MSRB3: variants seen among roughly 807,000 people sequenced by gnomAD.
MSRB3 encodes methionine sulfoxide reductase B3.
Under a neutral mutation model 21.0 loss-of-function variants are expected in MSRB3, and 13 were observed. The ratio of observed to expected loss-of-function variants is 0.62; its 90% CI spans 0.40 to 0.98. The LOEUF (loss-of-function observed/expected upper bound fraction) is 0.98, where lower values mean the gene tolerates loss of function less well. Among genes scored for constraint, MSRB3 ranks in the 50% least tolerant of loss-of-function variants. The pLI is 0.00. For synonymous variants in MSRB3, 87 were observed against 88.6 expected, an observed-to-expected ratio of 0.98 and a Z score of 0.10; for missense variants, 199 against 230.3, an observed-to-expected ratio of 0.86 and a Z score of 0.88.
chr12:65,309,467 T>C (rs1565825479), intron 2 of MSRB3, among the ~76,000 whole-genome samples: 2 of 152,244 alleles, frequency 1.3e-5, no homozygotes, highest in South Asian at 2.1e-4. Context: ...TGTTAAGCAG[T>C]GAGGATACAG....
intron 4 of MSRB3, among the ~76,000 whole-genome samples, chr12:65,367,951 A>T (rs1265891764): frequency 8.5e-5 from 13 of 152,124 alleles, no homozygotes; most frequent in Admixed American, 8.5e-4. Flanking sequence ...TCATACAATT[A>T]TAAGCATCAG....
chr12:65,351,128 C>A (rs554432186), intron 4 of MSRB3, among the ~76,000 whole-genome samples: 2 of 152,058 alleles, frequency 1.3e-5, no homozygotes, highest in African/African-American at 2.4e-5. Flanking sequence ...GACCACAGTG[C>A]GATCAAACTA....
chr12:65,367,422 T>G (rs1592570003), intron 4 of MSRB3, among the ~76,000 whole-genome samples: 1 of 152,290 alleles, frequency 6.6e-6, no homozygotes, highest in African/African-American at 2.4e-5. Flanking sequence ...GAGGGAAGCT[T>G]AAGCAGAAGG....
intron 5 of MSRB3, among the ~76,000 whole-genome samples, chr12:65,398,641 G>A (rs1038986938): frequency 6.6e-6 from 1 of 152,096 alleles, no homozygotes; most frequent in Non-Finnish European, 1.5e-5. Context: ...TTTGGCTTTT[G>A]TTGCCATTGC....
intron 5 of MSRB3, among the ~76,000 whole-genome samples, chr12:65,436,292 T>C (rs1470809196): frequency 6.6e-6 from 1 of 151,926 alleles, no homozygotes; most frequent in African/African-American, 2.4e-5. Context: ...ATCACAGATA[T>C]CTCAAAATAA....
chr12:65,387,842 T>C, intron 5 of MSRB3, among the ~76,000 whole-genome samples: 1 of 133,252 alleles, frequency 7.5e-6, no homozygotes, highest in South Asian at 2.5e-4. Flanking sequence ...GGTTGCTTGA[T>C]TTTTTTTTCC....
chr12:65,325,655 C>T (rs969893220), intron 2 of MSRB3, among the ~76,000 whole-genome samples: 2 of 152,172 alleles, frequency 1.3e-5, no homozygotes, highest in Non-Finnish European at 2.9e-5. Flanking sequence ...AGCATTTCCA[C>T]TCCTAATCAT....
At chr12:65,449,280 A>AC (rs1034573573) in intron 5 of MSRB3, among the ~76,000 whole-genome samples, 10 of 146,664 alleles carry the variant, frequency 6.8e-5, no homozygotes, top group South Asian at 2.2e-4. Context: ...CTCATGATCC[A>AC]CCCCCCCAGA....
At chr12:65,361,878 A>T (rs1264317795) in intron 4 of MSRB3, among the ~76,000 whole-genome samples, 1 of 152,156 alleles carries the variant, frequency 6.6e-6, no homozygotes, top group African/African-American at 2.4e-5. Context: ...CCTGATTTCT[A>T]AATTTCTGGG....
chr12:65,418,330 G>A (rs946992125), intron 5 of MSRB3, among the ~76,000 whole-genome samples: 2 of 152,042 alleles, frequency 1.3e-5, no homozygotes, highest in Non-Finnish European at 2.9e-5. Context: ...TCCTTTGCCC[G>A]TTTTTAAATT....
chr12:65,349,700 A>T (rs1173982689), intron 4 of MSRB3, among the ~76,000 whole-genome samples: 1 of 149,724 alleles, frequency 6.7e-6, no homozygotes, highest in Non-Finnish European at 1.5e-5. Context: ...GGCTGCATAA[A>T]TGTCTTCTTT....
chr12:65,361,195 T>C (rs560282689), intron 4 of MSRB3, among the ~76,000 whole-genome samples: 1 of 152,222 alleles, frequency 6.6e-6, no homozygotes, highest in East Asian at 1.9e-4. Flanking sequence ...TACCTTTTAC[T>C]CAACTTCTAA....
intron 5 of MSRB3, among the ~76,000 whole-genome samples, chr12:65,393,499 G>T (rs1215532130): frequency 6.6e-6 from 1 of 152,094 alleles, no homozygotes; most frequent in African/African-American, 2.4e-5. Context: ...CAGGCATGGT[G>T]GTGGGCGCCT....
At chr12:65,428,565 A>T (rs930466065) in intron 5 of MSRB3, among the ~76,000 whole-genome samples, 2 of 152,174 alleles carry the variant, frequency 1.3e-5, no homozygotes, top group African/African-American at 4.8e-5. Context: ...GCCCTTCCTT[A>T]ATTAAGTGAG....
chr12:65,422,234 C>A (rs188002692), intron 5 of MSRB3, among the ~76,000 whole-genome samples: 1 of 151,592 alleles, frequency 6.6e-6, no homozygotes, highest in African/African-American at 2.4e-5. Flanking sequence ...AAAGCAAGTC[C>A]TTAGAGACCT....
At chr12:65,302,477 T>G (rs1266622461) in intron 1 of MSRB3, among the ~76,000 whole-genome samples, 1 of 152,196 alleles carries the variant, frequency 6.6e-6, no homozygotes, top group Non-Finnish European at 1.5e-5. Flanking sequence ...CAGCACAGAC[T>G]ATGTCTTACA....
intron 4 of MSRB3, among the ~76,000 whole-genome samples, chr12:65,351,512 A>G (rs1257835449): frequency 1.3e-5 from 2 of 149,710 alleles, no homozygotes; most frequent in Non-Finnish European, 2.9e-5. Context: ...CAAAAAATTA[A>G]TGAATCCAGG....
chr12:65,387,342 C>T (rs904900419), intron 5 of MSRB3, among the ~76,000 whole-genome samples: 2 of 151,984 alleles, frequency 1.3e-5, no homozygotes, highest in Admixed American at 6.6e-5. Context: ...CCCTTGGACA[C>T]ACTGACAGTC....
In MSRB3 at chr12:65,463,470, G is replaced by T; in HGVS notation, c.*148G>T. On this transcript the variant is annotated 3_prime_UTR_variant, in exon 7 of 7. Transcript: ENST00000308259. ...TTTTTCTTCTTTTGCTTAAACAGAA[G>T]CCCTGGCCATCCATGTATTTTGCAA... 1.1e-6 allele frequency: 1 copy of T among 944,730 alleles called. No homozygotes were observed. The highest frequency in any genetic ancestry group is 1.6e-6 in the Non-Finnish European group (1 of 643,214). 58.5% of individuals were successfully genotyped at this position (944,730 alleles called of 1,614,324 possible).
Sources: allele counts gnomAD v4.1 joint callset (sites outside exome capture counted in the v4.1 genomes callset), GRCh38; gene constraint gnomAD v4.1.1; transcripts MANE v1.5; gene names NCBI Gene and HGNC (gene_info 2026-07-23, HGNC 2026-07-21).